The following CPVL variants were observed in gnomAD, a reference collection of about 807,000 sequenced individuals.
CPVL encodes the protein carboxypeptidase vitellogenic like.
In CPVL, 51 loss-of-function variants were observed where a neutral mutation model predicts 63.7. That is an observed-to-expected ratio of 0.80 (90% CI 0.64 to 1.01). The LOEUF (loss-of-function observed/expected upper bound fraction) is 1.01, where lower values mean the gene tolerates loss of function less well. Among genes scored for constraint, CPVL ranks in the 50% least tolerant of loss-of-function variants. CPVL has a pLI of 0.00. For missense variants in CPVL, 530 were observed against 573.1 expected, an observed-to-expected ratio of 0.92 and a Z score of 0.77; for synonymous variants, 195 against 206.0, an observed-to-expected ratio of 0.95 and a Z score of 0.46.
intron 1 of CPVL, among the ~76,000 whole-genome samples, chr7:29,125,719 A>G (rs1457847137): frequency 6.6e-6 from 1 of 152,154 alleles, no homozygotes; most frequent in East Asian, 1.9e-4. Flanking sequence ...TTCCAGATAT[A>G]TTCAAATATT....
intron 1 of CPVL, among the ~76,000 whole-genome samples, chr7:29,136,876 T>G (rs1247569534): frequency 6.6e-6 from 1 of 152,140 alleles, no homozygotes; most frequent in African/African-American, 2.4e-5. Flanking sequence ...GATGTATTCT[T>G]TATTTATCCA....
chr7:29,091,018 A>T (rs1237405310), intron 6 of CPVL, among the ~76,000 whole-genome samples: 3 of 152,234 alleles, frequency 2.0e-5, no homozygotes, highest in African/African-American at 7.2e-5. Context: ...GAATGTGGTC[A>T]CAAAGGGAAA....
At chr7:29,169,722 A>G (rs1056251788) in intron 5 of CPVL, among the ~76,000 whole-genome samples, 1 of 151,728 alleles carries the variant, frequency 6.6e-6, no homozygotes, top group South Asian at 2.1e-4. Context: ...TGATCCAGAA[A>G]AGCTTCTTCC....
Position 29,048,941 on chromosome 7 carries a change from G to A in CPVL, c.1137+15120C>T, listed in dbSNP as rs189304202. ...ATTGGGTCAAAAATGAAATCAAGAC[G>A]GAAATTTAAAAGTTCTTCAAGCTGA... On this transcript the variant is annotated intron_variant, in intron 11 of 12. Transcript: ENST00000265394. 7.4e-3 allele frequency among the ~76,000 whole-genome samples: 1,117 copies of A among 151,634 alleles called. 5 individuals carry two copies. Among genetic ancestry groups the A allele is most frequent in the Non-Finnish European group, 0.011 (718 of 67,910 alleles).
At chr7:29,023,074 G>A (rs1352798940) in intron 12 of CPVL, among the ~76,000 whole-genome samples, 4 of 152,144 alleles carry the variant, frequency 2.6e-5, no homozygotes, top group Admixed American at 6.5e-5. Flanking sequence ...TACTGCTATC[G>A]CCATTGGTGA....
At chr7:29,003,823 C>T (rs537869355) in intron 12 of CPVL, among the ~76,000 whole-genome samples, 9 of 152,214 alleles carry the variant, frequency 5.9e-5, no homozygotes, top group African/African-American at 1.4e-4. Context: ...TCATGAGAAG[C>T]GCACAACTAG....
intron 12 of CPVL, among the ~76,000 whole-genome samples, chr7:29,028,027 C>G (rs1787664668): frequency 6.6e-6 from 1 of 152,184 alleles, no homozygotes; most frequent in Non-Finnish European, 1.5e-5. Context: ...AGGCATCACA[C>G]TACCTGATTT....
chr7:29,012,200 T>C (rs908423788), intron 12 of CPVL: 1 of 152,120 alleles, frequency 6.6e-6, no homozygotes, highest in Non-Finnish European at 1.5e-5. Context: ...TGCTTTGACA[T>C]GGAATTGTAT....
intron 5 of CPVL, among the ~76,000 whole-genome samples, chr7:29,159,749 C>T (rs776744315): frequency 6.6e-6 from 1 of 152,172 alleles, no homozygotes; most frequent in Non-Finnish European, 1.5e-5. Flanking sequence ...CCTGTCTCTT[C>T]TTCAAAGCAC....
chr7:29,037,372 G>A (rs1244310972), intron 11 of CPVL, among the ~76,000 whole-genome samples: 7 of 151,238 alleles, frequency 4.6e-5, no homozygotes, highest in South Asian at 2.1e-4. Context: ...GTGAAACCCC[G>A]TCTCTACTAA....
At chr7:29,050,743 T>C (rs1446413975) in intron 11 of CPVL, among the ~76,000 whole-genome samples, 1 of 151,736 alleles carries the variant, frequency 6.6e-6, no homozygotes, top group Admixed American at 6.6e-5. Flanking sequence ...GAAAAGCCAA[T>C]TCTAAAATTC....
At chr7:29,146,253 T>G in intron 1 of CPVL, 176 bp downstream of exon 1, 1 of 230,860 alleles carries the variant, frequency 4.3e-6, no homozygotes, top group South Asian at 1.1e-4. Context: ...TGCTCCAATT[T>G]GAACTTTGAC....
chr7:29,035,271 T>TA (rs547633284), intron 11 of CPVL, among the ~76,000 whole-genome samples: 4 of 152,238 alleles, frequency 2.6e-5, no homozygotes, highest in Non-Finnish European at 4.4e-5. Context: ...GAAACTGTGA[T>TA]ACTGTGAGGC....
chr7:29,006,655 A>G (rs901316365), intron 12 of CPVL, among the ~76,000 whole-genome samples: 1 of 152,144 alleles, frequency 6.6e-6, no homozygotes. Context: ...TATGTTCTCG[A>G]CTCACAGCCT....
At chr7:29,152,027 A>G (rs1330661013) in intron 5 of CPVL, among the ~76,000 whole-genome samples, 1 of 152,192 alleles carries the variant, frequency 6.6e-6, no homozygotes, top group Non-Finnish European at 1.5e-5. Flanking sequence ...GAATGGAAAT[A>G]GTGGTTAGTG....
At chr7:29,072,019 C>T (rs1783796647) in intron 8 of CPVL, 115 bp from the exon 9 acceptor site, 1 of 1,297,136 alleles carries the variant, frequency 7.7e-7, no homozygotes, top group Non-Finnish European at 1.1e-6. Context: ...GCTGGTTAGC[C>T]AAGTAGGATA....
At chr7:29,046,024 G>A (rs933000616) in intron 11 of CPVL, among the ~76,000 whole-genome samples, 3 of 151,316 alleles carry the variant, frequency 2.0e-5, no homozygotes, top group East Asian at 3.9e-4. Flanking sequence ...TTAATGAGCT[G>A]TAGAATGATA....
chr7:29,118,839 T>C (rs1430225127), intron 2 of CPVL, among the ~76,000 whole-genome samples: 1 of 152,184 alleles, frequency 6.6e-6, no homozygotes, highest in Non-Finnish European at 1.5e-5. Flanking sequence ...CCTGCCAGCT[T>C]CACAGGCACC....
intron 5 of CPVL, among the ~76,000 whole-genome samples, chr7:29,163,212 T>C (rs1168138934): frequency 6.6e-6 from 1 of 152,154 alleles, no homozygotes. Context: ...TGTTTCTCCA[T>C]TGTAAATGTT....
Sources: allele counts gnomAD v4.1 joint callset (sites outside exome capture counted in the v4.1 genomes callset), GRCh38; gene constraint gnomAD v4.1.1; transcripts MANE v1.5; gene names NCBI Gene and HGNC (gene_info 2026-07-23, HGNC 2026-07-21).